PSD3: variants seen among roughly 807,000 people sequenced by gnomAD.
The protein encoded by PSD3 is PH and SEC7 domain-containing protein 3.
PSD3 carries 49 observed loss-of-function variants against 105.5 expected under a neutral mutation model. The observed-to-expected ratio is 0.46, with a 90% CI of 0.37 to 0.59. PSD3 has a LOEUF of 0.59. PSD3 is among the 20% of genes least tolerant of loss of function. The pLI, the probability that PSD3 is intolerant of heterozygous loss-of-function variation, is 0.00. For missense variants in PSD3, 1,561 were observed against 1,263.8 expected, an observed-to-expected ratio of 1.24 and a Z score of -3.57; for synonymous variants, 557 against 457.8, an observed-to-expected ratio of 1.22 and a Z score of -2.77.
intron 9 of PSD3, among the ~76,000 whole-genome samples, chr8:18,746,402 C>T (rs184529900): frequency 6.0e-5 from 9 of 148,814 alleles, no homozygotes; most frequent in East Asian, 3.9e-4. Flanking sequence ...CCATGCCCCA[C>T]GTGTCCTCAT....
chr8:18,800,279 C>T (rs183513983), intron 7 of PSD3, among the ~76,000 whole-genome samples: 4 of 152,098 alleles, frequency 2.6e-5, no homozygotes, highest in Admixed American at 2.6e-4. Flanking sequence ...CTTGTCAGGG[C>T]TAATGGTGAC....
chr8:18,689,239 C>G (rs569879119), intron 9 of PSD3, among the ~76,000 whole-genome samples: 1 of 152,038 alleles, frequency 6.6e-6, no homozygotes, highest in Non-Finnish European at 1.5e-5. Flanking sequence ...CACATTCAGT[C>G]GGGGGTAGGA....
intron 10 of PSD3, among the ~76,000 whole-genome samples, chr8:18,646,803 G>A (rs966292847): frequency 6.6e-6 from 1 of 152,058 alleles, no homozygotes; most frequent in Admixed American, 6.6e-5. Flanking sequence ...GAGAATCAAT[G>A]CTGAGTTAAG....
intron 2 of PSD3, among the ~76,000 whole-genome samples, chr8:18,914,316 G>A (rs1820442401): frequency 6.6e-6 from 1 of 152,026 alleles, no homozygotes; most frequent in African/African-American, 2.4e-5. Flanking sequence ...AACAAGGCAA[G>A]GATGCCCACT....
intron 15 of PSD3, among the ~76,000 whole-genome samples, chr8:18,549,283 G>C (rs1415510392): frequency 6.6e-6 from 1 of 150,524 alleles, no homozygotes; most frequent in Non-Finnish European, 1.5e-5. Context: ...CCGGGTTCAA[G>C]TGATTCTCCT....
At chr8:18,726,950 T>C (rs1278282796) in intron 9 of PSD3, among the ~76,000 whole-genome samples, 2 of 152,032 alleles carry the variant, frequency 1.3e-5, no homozygotes, top group African/African-American at 4.8e-5. Context: ...CACTTGCACT[T>C]TGGGAGGCAG....
chr8:18,975,466 C>T (rs1054108819), intron 1 of PSD3, among the ~76,000 whole-genome samples: 2 of 151,940 alleles, frequency 1.3e-5, no homozygotes, highest in African/African-American at 2.4e-5. Context: ...CGTTTGTAGC[C>T]GATTTCTGCC....
At chr8:19,010,231 TC>T (rs2129475269) in intron 1 of PSD3, among the ~76,000 whole-genome samples, 1 of 152,040 alleles carries the variant, frequency 6.6e-6, no homozygotes, top group South Asian at 2.1e-4. Context: ...AGCGGGCGGA[TC>T]CCTCACACCA....
intron 1 of PSD3, among the ~76,000 whole-genome samples, chr8:19,076,912 C>T (rs1288225997): frequency 6.6e-6 from 1 of 152,096 alleles, no homozygotes; most frequent in African/African-American, 2.4e-5. Context: ...TTGTAGGAGG[C>T]CTTTATGGGA....
At chr8:18,793,385 A>G (rs1204479150) in intron 8 of PSD3, among the ~76,000 whole-genome samples, 1 of 151,384 alleles carries the variant, frequency 6.6e-6, no homozygotes, top group South Asian at 2.1e-4. Context: ...AAAAAAAACA[A>G]AACAAAACTG....
chr8:19,040,970 G>T (rs1828105663), intron 1 of PSD3, among the ~76,000 whole-genome samples: 1 of 152,122 alleles, frequency 6.6e-6, no homozygotes, highest in Non-Finnish European at 1.5e-5. Context: ...ATAGCACATT[G>T]CAGCCTTGAA....
intron 1 of PSD3, among the ~76,000 whole-genome samples, chr8:19,006,600 A>G (rs1200578677): frequency 6.6e-6 from 1 of 152,076 alleles, no homozygotes; most frequent in Non-Finnish European, 1.5e-5. Flanking sequence ...TGCGAATGTG[A>G]CTGTCTACCT....
At chr8:18,909,111 T>A (rs1227455548) in intron 2 of PSD3, among the ~76,000 whole-genome samples, 1 of 152,228 alleles carries the variant, frequency 6.6e-6, no homozygotes, top group East Asian at 1.9e-4. Context: ...TATTTAGCAA[T>A]CATCATCAAA....
chr8:18,819,391 G>A (rs1239716501), intron 4 of PSD3, among the ~76,000 whole-genome samples: 3 of 152,098 alleles, frequency 2.0e-5, no homozygotes, highest in Non-Finnish European at 2.9e-5. Flanking sequence ...GATGAGGACA[G>A]AAGCAGCCAG....
intron 2 of PSD3, among the ~76,000 whole-genome samples, chr8:18,923,885 AAT>A (rs66515444): frequency 6.6e-6 from 1 of 150,976 alleles, no homozygotes. Context: ...AGCTACTTTA[AAT>A]ATATATATAT....
At chr8:18,575,322 AC>A (rs1802402872) in intron 12 of PSD3, 37 bp from the exon 13 acceptor site, 1 of 1,516,406 alleles carries the variant, frequency 6.6e-7, no homozygotes. Context: ...GGCAAAAATC[AC>A]GATCAGATTT....
chr8:18,818,687 C>A (rs1482995705), intron 4 of PSD3, among the ~76,000 whole-genome samples: 1 of 149,754 alleles, frequency 6.7e-6, no homozygotes, highest in African/African-American at 2.4e-5. Flanking sequence ...CTCCATACCC[C>A]CCCCAACAAC....
At chr8:18,608,016 C>G (rs556436009) in intron 11 of PSD3, among the ~76,000 whole-genome samples, 3 of 152,266 alleles carry the variant, frequency 2.0e-5, no homozygotes, top group East Asian at 3.9e-4. Context: ...TTACCTCCCA[C>G]CAGGTGGGAA....
Position 18,575,303 on chromosome 8 carries a change from G to T in PSD3, c.2482-18C>A. On this transcript the variant is annotated intron_variant, in intron 12 of 15. Transcript: ENST00000327040. ...TATTCATCCTATAGATGGACACAAA[G>T]AAAATAAAGGCAAAAATCACGATCA... 1 of 1,510,414 alleles carries T rather than the reference G, an allele frequency of 6.6e-7. No individual in the cohort carries two copies. Among genetic ancestry groups the T allele is most frequent in the South Asian group, 1.3e-5 (1 of 74,560 alleles). 93.6% of individuals were successfully genotyped at this position (1,510,414 alleles called of 1,614,324 possible).
Sources: gnomAD v4.1 joint callset for allele counts (sites outside exome capture counted in the v4.1 genomes callset) on GRCh38, gnomAD v4.1.1 for gene constraint, MANE v1.5 for transcripts, NCBI Gene and HGNC (gene_info 2026-07-23, HGNC 2026-07-21) for gene names.